CTNNA3: variants seen among roughly 807,000 people sequenced by gnomAD.
CTNNA3 encodes the protein catenin alpha-3.
A neutral mutation model predicts 95.7 loss-of-function variants in CTNNA3; 76 were observed. That is an observed-to-expected ratio of 0.79 (90% CI 0.66 to 0.96). The LOEUF (loss-of-function observed/expected upper bound fraction) is 0.96. Among genes scored for constraint, CTNNA3 ranks in the 40% least tolerant of loss-of-function variants. The pLI is 0.00. For missense variants in CTNNA3, 1,191 were observed against 1,089.8 expected (o/e 1.09, Z -1.31); for synonymous variants, 431 against 374.4 (o/e 1.15, Z -1.74).
intron 10 of CTNNA3, among the ~76,000 whole-genome samples, chr10:66,595,890 C>G (rs1014166663): frequency 1.3e-5 from 2 of 151,898 alleles, no homozygotes; most frequent in Non-Finnish European, 2.9e-5. Context: ...CTCAAGTCAT[C>G]CTCCTCAAGT....
chr10:66,103,576 C>A (rs1187709496), intron 13 of CTNNA3, among the ~76,000 whole-genome samples: 4 of 152,098 alleles, frequency 2.6e-5, no homozygotes, highest in African/African-American at 7.2e-5. Flanking sequence ...CACACCACAA[C>A]ACAGGTGAAC....
chr10:66,516,633 C>G (rs1445952706), intron 11 of CTNNA3, among the ~76,000 whole-genome samples: 2 of 152,158 alleles, frequency 1.3e-5, no homozygotes, highest in Admixed American at 1.3e-4. Flanking sequence ...ACCACTCCCT[C>G]TGGCTTCTAG....
intron 5 of CTNNA3, among the ~76,000 whole-genome samples, chr10:67,475,532 CAA>C (rs930600572): frequency 6.6e-6 from 1 of 151,948 alleles, no homozygotes; most frequent in African/African-American, 2.4e-5. Context: ...ACCAAATTAC[CAA>C]AGACTATATC....
chr10:67,294,629 C>A (rs1050317355), intron 5 of CTNNA3, among the ~76,000 whole-genome samples: 1 of 152,068 alleles, frequency 6.6e-6, no homozygotes, highest in Admixed American at 6.6e-5. Context: ...AGTGACTCCC[C>A]AGTTCTCCCA....
At chr10:66,291,082 A>C (rs965614008) in intron 12 of CTNNA3, among the ~76,000 whole-genome samples, 19 of 152,232 alleles carry the variant, frequency 1.2e-4, no homozygotes, top group African/African-American at 4.3e-4. Flanking sequence ...TCACTTACTA[A>C]GTACCAGTTA....
intron 7 of CTNNA3, among the ~76,000 whole-genome samples, chr10:66,798,051 A>G (rs1841281422): frequency 6.6e-6 from 1 of 151,810 alleles, no homozygotes; most frequent in African/African-American, 2.4e-5. Context: ...TCTTCATGAT[A>G]TGTCTTACAA....
intron 1 of CTNNA3, among the ~76,000 whole-genome samples, chr10:67,705,980 G>C (rs947428609): frequency 6.6e-6 from 1 of 151,922 alleles, no homozygotes; most frequent in Admixed American, 6.6e-5. Context: ...TGCCTTTAAG[G>C]GTGCTGCTTC....
At chr10:65,942,878 G>A (rs1325136756) in intron 17 of CTNNA3, among the ~76,000 whole-genome samples, 1 of 152,076 alleles carries the variant, frequency 6.6e-6, no homozygotes, top group Non-Finnish European at 1.5e-5. Flanking sequence ...AGTTACTCAA[G>A]TTTTGCCTCA....
chr10:66,587,742 C>T lies in CTNNA3; in HGVS notation c.1374+33950G>A, dbSNP rs527380913. ...AGGCATGTATCCCACTCATAATGTT[C>T]GCTAAAAGCAGCAGGCTGGGTTCCA... On this transcript the variant is annotated intron_variant, in intron 10 of 17. Coordinates refer to ENST00000433211, the MANE Select transcript of CTNNA3 (RefSeq NM_013266.4). Among the ~76,000 whole-genome samples, 8 of 152,240 alleles carry T rather than the reference C, an allele frequency of 5.3e-5. No homozygotes were observed. The South Asian group carries it at 8.3e-4, about 16-fold the overall frequency.
At chr10:67,562,901 A>G (rs1277712413) in intron 3 of CTNNA3, among the ~76,000 whole-genome samples, 1 of 152,160 alleles carries the variant, frequency 6.6e-6, no homozygotes, top group Non-Finnish European at 1.5e-5. Flanking sequence ...TGCTTCAAAG[A>G]GAATAAAATA....
intron 13 of CTNNA3, among the ~76,000 whole-genome samples, chr10:66,171,075 G>C (rs2085401084): frequency 1.3e-5 from 2 of 152,096 alleles, no homozygotes; most frequent in Non-Finnish European, 2.9e-5. Context: ...AGAGATTGCA[G>C]TGAGCCGAGA....
chr10:66,858,361 T>C (rs995502069), intron 7 of CTNNA3, among the ~76,000 whole-genome samples: 1 of 151,978 alleles, frequency 6.6e-6, no homozygotes, highest in Non-Finnish European at 1.5e-5. Context: ...GCTTTAAGTT[T>C]TTTTGTTGTT....
intron 7 of CTNNA3, among the ~76,000 whole-genome samples, chr10:67,170,279 C>T (rs1248449774): frequency 6.6e-6 from 1 of 152,116 alleles, no homozygotes; most frequent in Non-Finnish European, 1.5e-5. Context: ...GGTACATACC[C>T]AAAGGAATAT....
chr10:66,197,855 C>T (rs1274392163), intron 13 of CTNNA3, among the ~76,000 whole-genome samples: 1 of 152,048 alleles, frequency 6.6e-6, no homozygotes, highest in Non-Finnish European at 1.5e-5. Flanking sequence ...TACAGAAAGA[C>T]CTATGCTTAC....
chr10:66,621,705 G>A lies in CTNNA3; in HGVS notation c.1361C>T (p.Thr454Ile), dbSNP rs1409791712. ...IVKIAANHLE[T>I]LCPQIINAAL... ...TAGTTGTCATACCTGTGGACACAAG[G>A]TTTCCAAATGATTGGCTGCAATTTT... The change falls in exon 10 of 18, where the codon ACC becomes ATC. Residue 454 changes from threonine (T) to isoleucine (I), a missense_variant. Physicochemically the swap from Thr to Ile is moderately conservative, Grantham distance 89. Coordinates refer to ENST00000433211, the MANE Select transcript of CTNNA3 (RefSeq NM_013266.4). 6.2e-7 allele frequency: 1 copy of A among 1,606,042 alleles called. No individual in the cohort carries two copies. Among genetic ancestry groups the A allele is most frequent in the Non-Finnish European group, 8.5e-7 (1 of 1,174,556 alleles).
intron 1 of CTNNA3, among the ~76,000 whole-genome samples, chr10:67,705,345 A>T (rs1841071505): frequency 6.6e-6 from 1 of 151,942 alleles, no homozygotes; most frequent in Admixed American, 6.6e-5. Context: ...TTATTGCGGC[A>T]CTATTCACAA....
intron 11 of CTNNA3, among the ~76,000 whole-genome samples, chr10:66,511,588 T>C (rs1157609397): frequency 1.3e-5 from 2 of 151,892 alleles, no homozygotes; most frequent in Admixed American, 6.6e-5. Flanking sequence ...TCAAGAAGTA[T>C]TTAAAATTTC....
At chr10:66,888,495 A>G (rs1171874474) in intron 7 of CTNNA3, among the ~76,000 whole-genome samples, 1 of 152,146 alleles carries the variant, frequency 6.6e-6, no homozygotes, top group East Asian at 1.9e-4. Context: ...CTAGATGACT[A>G]AGCTATACAG....
At chr10:66,996,929 T>C (rs1231944510) in intron 7 of CTNNA3, among the ~76,000 whole-genome samples, 1 of 152,122 alleles carries the variant, frequency 6.6e-6, no homozygotes, top group Non-Finnish European at 1.5e-5. Flanking sequence ...TGAGTACTAC[T>C]GGTTTGTGAC....
Sources: gnomAD v4.1 joint callset for allele counts (sites outside exome capture counted in the v4.1 genomes callset) on GRCh38, gnomAD v4.1.1 for gene constraint, MANE v1.5 for transcripts, NCBI Gene and HGNC (gene_info 2026-07-23, HGNC 2026-07-21) for gene names.